ROBO2: variants seen among roughly 807,000 people sequenced by gnomAD.
ROBO2 encodes the protein roundabout guidance receptor 2.
Under a neutral mutation model 160.8 loss-of-function variants are expected in ROBO2, and 53 were observed. That is an observed-to-expected ratio of 0.33 (90% CI 0.26 to 0.41). The LOEUF (loss-of-function observed/expected upper bound fraction) is 0.41, where lower values mean the gene tolerates loss of function less well. ROBO2 is among the 10% of genes least tolerant of loss of function. The pLI is 1.00. For missense variants in ROBO2, 1,577 were observed against 1,722.4 expected (o/e 0.92, Z 1.49); for synonymous variants, 664 against 611.7 (o/e 1.09, Z -1.26).
chr3:76,964,943 T>A (rs2079961233), intron 2 of ROBO2, among the ~76,000 whole-genome samples: 2 of 152,344 alleles, frequency 1.3e-5, no homozygotes, highest in Middle Eastern at 3.4e-3. Context: ...TCATGAACAA[T>A]GTTGTAAGTA....
intron 2 of ROBO2, among the ~76,000 whole-genome samples, chr3:76,178,073 A>G (rs1021379663): frequency 6.6e-6 from 1 of 152,184 alleles, no homozygotes; most frequent in African/African-American, 2.4e-5. Context: ...TCTATTTGAT[A>G]GCTCCCCAAA....
At chr3:76,484,153 T>C (rs1037114985) in intron 2 of ROBO2, among the ~76,000 whole-genome samples, 1 of 152,158 alleles carries the variant, frequency 6.6e-6, no homozygotes, top group Non-Finnish European at 1.5e-5. Flanking sequence ...TGCTTACCTA[T>C]GTGATAAACC....
intron 2 of ROBO2, among the ~76,000 whole-genome samples, chr3:76,987,495 G>A (rs1453472897): frequency 6.6e-6 from 1 of 151,814 alleles, no homozygotes; most frequent in Non-Finnish European, 1.5e-5. Context: ...TTCTCTTTTG[G>A]GAACAGTAGT....
intron 2 of ROBO2, among the ~76,000 whole-genome samples, chr3:77,458,331 T>C (rs1182669690): frequency 1.3e-5 from 2 of 152,212 alleles, no homozygotes; most frequent in Non-Finnish European, 2.9e-5. Context: ...AGAAGTTAAC[T>C]GTCTCCAAGA....
At chr3:77,291,987 A>G (rs1320350607) in intron 2 of ROBO2, among the ~76,000 whole-genome samples, 9 of 151,858 alleles carry the variant, frequency 5.9e-5, no homozygotes, top group Admixed American at 5.3e-4. Flanking sequence ...AGTAAAATTG[A>G]TGGTTAAACG....
chr3:75,974,694 A>G (rs1348721834), intron 2 of ROBO2, among the ~76,000 whole-genome samples: 2 of 151,552 alleles, frequency 1.3e-5, no homozygotes, highest in East Asian at 3.9e-4. Context: ...AATGTTTTCA[A>G]TTATTTGAGT....
intron 2 of ROBO2, among the ~76,000 whole-genome samples, chr3:76,976,480 T>A (rs2059822989): frequency 6.6e-6 from 1 of 152,210 alleles, no homozygotes; most frequent in Non-Finnish European, 1.5e-5. Context: ...ATTTTCTGTT[T>A]AATCTTTAGG....
intron 2 of ROBO2, among the ~76,000 whole-genome samples, chr3:77,241,319 T>C (rs937423344): frequency 6.6e-6 from 1 of 152,190 alleles, no homozygotes; most frequent in African/African-American, 2.4e-5. Context: ...CCAATGAAAG[T>C]AGAAATTACC....
chr3:76,954,927 T>C (rs908839437), intron 2 of ROBO2, among the ~76,000 whole-genome samples: 3 of 152,178 alleles, frequency 2.0e-5, no homozygotes, highest in Non-Finnish European at 1.5e-5. Flanking sequence ...TGAATTACAT[T>C]CACAGTGTTG....
intron 2 of ROBO2, among the ~76,000 whole-genome samples, chr3:76,334,607 C>T (rs1372508345): frequency 1.3e-5 from 2 of 152,016 alleles, no homozygotes; most frequent in Non-Finnish European, 2.9e-5. Context: ...GTCACATAGG[C>T]ATAACAGGAA....
At chr3:76,730,174 TTCCTCACCTCCTACTCCCTACTCGCTTG>T (rs1576286927) in intron 2 of ROBO2, among the ~76,000 whole-genome samples, 5 of 149,928 alleles carry the variant, frequency 3.3e-5, no homozygotes, top group Admixed American at 2.7e-4. Context: ...CAACCCACTT[TTCCTCACCTCCTACTCCCTACTCGCTTG>T]TCCTCACCTC....
intron 2 of ROBO2, among the ~76,000 whole-genome samples, chr3:76,392,859 A>G (rs772363241): frequency 2.6e-5 from 4 of 152,194 alleles, no homozygotes; most frequent in Non-Finnish European, 5.9e-5. Context: ...TCTTGTTTGA[A>G]AAATGAAGTT....
At chr3:76,652,777 G>T (rs1203128838) in intron 2 of ROBO2, among the ~76,000 whole-genome samples, 2 of 151,872 alleles carry the variant, frequency 1.3e-5, no homozygotes, top group African/African-American at 2.4e-5. Context: ...AAAGAGCTAG[G>T]CATAAAGTTC....
chr3:76,365,660 T>C, intron 2 of ROBO2, among the ~76,000 whole-genome samples: 1 of 152,100 alleles, frequency 6.6e-6, no homozygotes, highest in East Asian at 1.9e-4. Context: ...GGGCTTATGA[T>C]AATGACAAGA....
chr3:76,037,058 C>T (rs1432134684), intron 2 of ROBO2, among the ~76,000 whole-genome samples: 1 of 151,848 alleles, frequency 6.6e-6, no homozygotes, highest in African/African-American at 2.4e-5. Flanking sequence ...AGATTTTCTT[C>T]TGCCCTTAAG....
intron 2 of ROBO2, among the ~76,000 whole-genome samples, chr3:76,596,138 G>C (rs2086718962): frequency 6.6e-6 from 1 of 152,102 alleles, no homozygotes; most frequent in Admixed American, 6.6e-5. Context: ...TGTTTATATA[G>C]AGAAGGCAAC....
At chr3:77,428,817 A>G (rs1049779703) in intron 2 of ROBO2, among the ~76,000 whole-genome samples, 13 of 152,194 alleles carry the variant, frequency 8.5e-5, no homozygotes, top group Admixed American at 7.2e-4. Context: ...CCAAGATTAT[A>G]TTGGATAATG....
intron 1 of ROBO2, among the ~76,000 whole-genome samples, chr3:75,922,164 G>A (rs1463384010): frequency 2.6e-5 from 4 of 152,036 alleles, no homozygotes; most frequent in Non-Finnish European, 5.9e-5. Flanking sequence ...AGTGATAAAC[G>A]GTTCATAAAA....
Position 76,435,021 on chromosome 3 carries a change from G to A in ROBO2, c.109+497419G>A, listed in dbSNP as rs1178991025. ...AAATCAGGAAAATGTTTCCAACCTGGTGATTGAGGATGCAGAGCTGAAACA... is the reference window on the plus strand; with the variant it reads ...AAATCAGGAAAATGTTTCCAACCTGATGATTGAGGATGCAGAGCTGAAACA... On this transcript the variant is annotated intron_variant, in intron 2 of 26. Coordinates refer to the ROBO2 transcript ENST00000487694. The A allele has an allele frequency of 6.8e-5, 97 of 1,430,666 alleles. No individual in the cohort carries two copies. The Middle Eastern group carries it at 7.0e-4, about 10-fold the overall frequency. 88.6% of individuals were successfully genotyped at this position (1,430,666 alleles called of 1,614,324 possible).
Sources: gnomAD v4.1 joint callset for allele counts (sites outside exome capture counted in the v4.1 genomes callset) on GRCh38, gnomAD v4.1.1 for gene constraint, MANE v1.5 for transcripts, NCBI Gene and HGNC (gene_info 2026-07-23, HGNC 2026-07-21) for gene names.